ATP8A1: variants seen among roughly 807,000 people sequenced by gnomAD.
ATP8A1 encodes ATPase phospholipid transporting 8A1, also known as phospholipid-transporting ATPase IA.
In ATP8A1, 90 loss-of-function variants were observed where a neutral mutation model predicts 177.7. The ratio of observed to expected loss-of-function variants is 0.51; its 90% CI spans 0.43 to 0.60. ATP8A1 has a LOEUF of 0.60. Among genes scored for constraint, ATP8A1 ranks in the 20% least tolerant of loss-of-function variants. The pLI, the probability that ATP8A1 is intolerant of heterozygous loss-of-function variation, is 0.00. For missense variants in ATP8A1, 1,072 were observed against 1,392.8 expected (o/e 0.77, Z 3.67); for synonymous variants, 493 against 485.9 (o/e 1.01, Z -0.19).
In ATP8A1 at chr4:42,656,924, G is replaced by C. The variant is rs1442566803; in HGVS notation, c.-51C>G. The C allele has an allele frequency of 5.4e-6, 8 of 1,484,308 alleles. No homozygotes were observed. In the Admixed American group the frequency reaches 1.4e-4, roughly 27 times the overall value. 91.9% of individuals were successfully genotyped at this position (1,484,308 alleles called of 1,614,324 possible). On this transcript the variant is annotated 5_prime_UTR_variant, in exon 1 of 37. Coordinates refer to ENST00000381668, the MANE Select transcript of ATP8A1 (RefSeq NM_006095.2). ...TCAGCCCGGACTCTGCACCTGTCAC[G>C]GCGTGGTACACGCGGGAGACCCGGC... is the stretch of plus-strand genomic sequence containing the variant.
intron 15 of ATP8A1, among the ~76,000 whole-genome samples, chr4:42,563,023 C>T (rs959683830): frequency 1.3e-4 from 20 of 152,104 alleles, no homozygotes; most frequent in African/African-American, 1.9e-4. Flanking sequence ...AAAAGATACC[C>T]GAAAATGTGG....
Position 42,431,567 on chromosome 4 carries a change from T to C in ATP8A1, c.3124-7862A>G, listed in dbSNP as rs543427680. On this transcript the variant is annotated intron_variant, in intron 33 of 36. Transcript: ENST00000381668. ...TTCTTTGTGTAAAAAGGCTATTTTA[T>C]CTTTAAAGATTTAGGCCCTTTCCAA... 4.6e-5 allele frequency among the ~76,000 whole-genome samples: 7 copies of C among 152,326 alleles called. No homozygotes were observed. In the South Asian group the frequency reaches 1.4e-3, roughly 32 times the overall value.
chr4:42,621,629 A>G (rs1208002541), intron 4 of ATP8A1, among the ~76,000 whole-genome samples: 1 of 152,248 alleles, frequency 6.6e-6, no homozygotes, highest in Non-Finnish European at 1.5e-5. Context: ...ATATTGTAAA[A>G]ATAGCCATAC....
chr4:42,605,444 C>T (rs955080377), intron 5 of ATP8A1, among the ~76,000 whole-genome samples: 1 of 152,108 alleles, frequency 6.6e-6, no homozygotes, highest in Non-Finnish European at 1.5e-5. Flanking sequence ...AAAAAATAGC[C>T]CTGATCCACT....
chr4:42,629,202 T>C (rs1738454097), intron 1 of ATP8A1, among the ~76,000 whole-genome samples: 1 of 152,136 alleles, frequency 6.6e-6, no homozygotes, highest in Non-Finnish European at 1.5e-5. Context: ...TCCTAATGGA[T>C]TAGTAGGGGC....
intron 24 of ATP8A1, among the ~76,000 whole-genome samples, chr4:42,489,058 G>A (rs1722490698): frequency 1.3e-5 from 2 of 152,092 alleles, no homozygotes; most frequent in African/African-American, 2.4e-5. Flanking sequence ...CACAGAGAGA[G>A]GTCTTCTCTT....
chr4:42,617,098 G>GA (rs1443935009), intron 4 of ATP8A1, among the ~76,000 whole-genome samples: 6 of 152,232 alleles, frequency 3.9e-5, no homozygotes, highest in South Asian at 2.1e-4. Context: ...TTCCATTTGA[G>GA]AAAAAATACA....
In ATP8A1 at chr4:42,411,761, C is replaced by T. The variant is rs1712639396; in HGVS notation, c.*1155G>A. 1 of 152,064 alleles carries T rather than the reference C, an allele frequency of 6.6e-6. No individual in the cohort carries two copies. Among genetic ancestry groups the T allele is most frequent in the Non-Finnish European group, 1.5e-5 (1 of 68,016 alleles). 9.4% of individuals were successfully genotyped at this position (152,064 alleles called of 1,614,324 possible). On this transcript the variant is annotated 3_prime_UTR_variant, in exon 37 of 37. Transcript: ENST00000381668. ...TGGGGAAAATGTACTACCTATTTGT[C>T]CCAATAAGCAGCATGTGACGAATTT...
At chr4:42,604,165 C>G (rs1217090568) in intron 5 of ATP8A1, among the ~76,000 whole-genome samples, 1 of 152,172 alleles carries the variant, frequency 6.6e-6, no homozygotes, top group Non-Finnish European at 1.5e-5. Context: ...CTTGTACACA[C>G]ACCTTGTAGA....
At chr4:42,655,981 T>C (rs1741569313) in intron 1 of ATP8A1, among the ~76,000 whole-genome samples, 1 of 152,222 alleles carries the variant, frequency 6.6e-6, no homozygotes, top group Admixed American at 6.5e-5. Flanking sequence ...AACCTTGGGA[T>C]ATTTACAGTC....
At chr4:42,561,240 G>C (rs1172366803) in intron 15 of ATP8A1, among the ~76,000 whole-genome samples, 1 of 152,090 alleles carries the variant, frequency 6.6e-6, no homozygotes, top group Non-Finnish European at 1.5e-5. Context: ...TGCGCACTGG[G>C]CCTCGGGCCG....
At chr4:42,636,148 A>G (rs773907827) in intron 1 of ATP8A1, among the ~76,000 whole-genome samples, 6,558 of 31,838 alleles carry the variant, frequency 0.21, 446 homozygotes, top group African/African-American at 0.38. Flanking sequence ...ACACACACAC[A>G]CACACACACG....
At chr4:42,640,205 A>C (rs1739828286) in intron 1 of ATP8A1, among the ~76,000 whole-genome samples, 1 of 152,236 alleles carries the variant, frequency 6.6e-6, no homozygotes, top group South Asian at 2.1e-4. Flanking sequence ...AATGAGATCC[A>C]CTGCTTCTAA....
intron 6 of ATP8A1, among the ~76,000 whole-genome samples, chr4:42,600,150 TC>T (rs1735099441): frequency 1.3e-5 from 2 of 151,898 alleles, no homozygotes; most frequent in Admixed American, 1.3e-4. Context: ...AACTCAAAAT[TC>T]TTATTTTTAC....
chr4:42,528,592 C>T (rs1332930035), intron 20 of ATP8A1, among the ~76,000 whole-genome samples: 1 of 151,984 alleles, frequency 6.6e-6, no homozygotes, highest in Non-Finnish European at 1.5e-5. Flanking sequence ...TATGCAACCA[C>T]CGACTTGGCA....
chr4:42,545,500 A>G (rs2153207771), intron 19 of ATP8A1, among the ~76,000 whole-genome samples: 1 of 152,344 alleles, frequency 6.6e-6, no homozygotes, highest in Non-Finnish European at 1.5e-5. Context: ...TAGCAAATAC[A>G]TGATATACAA....
chr4:42,594,661 G>C (rs556377231), intron 6 of ATP8A1, among the ~76,000 whole-genome samples: 2 of 151,896 alleles, frequency 1.3e-5, no homozygotes, highest in South Asian at 4.2e-4. Context: ...TATAAAGGAG[G>C]GATTTACCAA....
intron 1 of ATP8A1, among the ~76,000 whole-genome samples, chr4:42,644,793 G>A (rs1740362945): frequency 1.3e-5 from 2 of 151,366 alleles, no homozygotes; most frequent in African/African-American, 4.9e-5. Context: ...CAGGTAAATT[G>A]GGAGTTTTCA....
chr4:42,499,885 A>AAATTAAAATGTTTC (rs1416829192), intron 24 of ATP8A1, among the ~76,000 whole-genome samples: 1 of 152,218 alleles, frequency 6.6e-6, no homozygotes, highest in Admixed American at 6.5e-5. Context: ...GATTTAACAG[A>AAATTAAAATGTTTC]CAGACTTTAA....
Sources: allele counts gnomAD v4.1 joint callset (sites outside exome capture counted in the v4.1 genomes callset), GRCh38; gene constraint gnomAD v4.1.1; transcripts MANE v1.5; gene names NCBI Gene and HGNC (gene_info 2026-07-23, HGNC 2026-07-21).